Variants in LGSN observed in about 807,000 individuals in gnomAD.
The protein encoded by LGSN is lengsin, lens protein with glutamine synthetase domain, also known as lengsin.
In LGSN, 21 loss-of-function variants were observed where a neutral mutation model predicts 19.5. That is an observed-to-expected ratio of 1.07 (90% CI 0.76 to 1.55). LGSN has a LOEUF of 1.55. Ranked by LOEUF, LGSN falls within the 40% of genes most tolerant of loss-of-function variation. LGSN has a pLI of 0.00. For synonymous variants in LGSN, 257 were observed against 215.6 expected (o/e 1.19, Z -1.68); for missense variants, 673 against 608.5 (o/e 1.11, Z -1.12).
chr6:63,558,430 C>T, the LGSN span, among the ~76,000 whole-genome samples: 4 of 152,098 alleles, frequency 2.6e-5, no homozygotes, highest in African/African-American at 9.7e-5. Flanking sequence ...GCCAGTCAGA[C>T]AGAAAAGAAG....
chr6:63,420,175 C>T, the LGSN span, among the ~76,000 whole-genome samples: 1 of 149,096 alleles, frequency 6.7e-6, no homozygotes, highest in African/African-American at 2.5e-5. Context: ...TGCACTCCAG[C>T]GGAGGCGACA....
the LGSN span, among the ~76,000 whole-genome samples, chr6:63,357,895 G>A: frequency 1.3e-5 from 2 of 152,066 alleles, no homozygotes; most frequent in Non-Finnish European, 2.9e-5. Context: ...TTTTAGACAT[G>A]AAGTCCTTGC....
the LGSN span, among the ~76,000 whole-genome samples, chr6:63,563,829 A>C: frequency 6.6e-6 from 1 of 152,206 alleles, no homozygotes; most frequent in Non-Finnish European, 1.5e-5. Flanking sequence ...CGGGATTGAG[A>C]GACTAAGAAC....
In LGSN at chr6:63,280,591, A is replaced by G. The variant is rs560951461; in HGVS notation, c.960T>C (p.Asp320=). The change falls in exon 4 of 4, where the codon GAT becomes GAC. Residue 320 remains aspartate, a synonymous_variant. Transcript: ENST00000370657. ...AGAACATGTTTTTCTTCCTATCGAC[A>G]TCCCAGAGACTATGAGACAAAATCC... The part of the protein sequence containing the change: ...DSGILSHSLW[D]VDRKKNMFCS... The G allele has an allele frequency of 1.9e-6, 3 of 1,614,082 alleles. No homozygotes were observed. Among genetic ancestry groups the G allele is most frequent in the African/African-American group, 2.7e-5 (2 of 75,046 alleles).
the LGSN span, among the ~76,000 whole-genome samples, chr6:63,410,731 C>T: frequency 6.6e-6 from 1 of 152,170 alleles, no homozygotes. Flanking sequence ...GGACAAGAAC[C>T]TATGACATGT....
At chr6:63,357,245 G>A in the LGSN span, among the ~76,000 whole-genome samples, 4 of 152,096 alleles carry the variant, frequency 2.6e-5, no homozygotes, top group Middle Eastern at 0.01. Flanking sequence ...TTGGACATTT[G>A]GGCTGGTTCC....
At chr6:63,560,448 C>A in the LGSN span, among the ~76,000 whole-genome samples, 1 of 146,972 alleles carries the variant, frequency 6.8e-6, no homozygotes, top group Non-Finnish European at 1.5e-5. Context: ...GTTGGGCGGG[C>A]TGGAAGGCAG....
At chr6:63,442,278 G>T in the LGSN span, among the ~76,000 whole-genome samples, 2 of 152,232 alleles carry the variant, frequency 1.3e-5, no homozygotes, top group Non-Finnish European at 2.9e-5. Context: ...AGAGTGAGCA[G>T]CAGTAAGATT....
chr6:63,353,614 A>AAAAAAGATTT, the LGSN span, among the ~76,000 whole-genome samples: 1 of 151,578 alleles, frequency 6.6e-6, no homozygotes. Context: ...AAAAGAAAAA[A>AAAAAAGATTT]TAATGTTTTT....
chr6:63,518,661 G>A, the LGSN span, among the ~76,000 whole-genome samples: 1 of 152,210 alleles, frequency 6.6e-6, no homozygotes, highest in South Asian at 2.1e-4. Context: ...TCTCTTTACA[G>A]CTAAGGTTCT....
the LGSN span, among the ~76,000 whole-genome samples, chr6:63,539,307 A>T: frequency 6.6e-6 from 1 of 152,234 alleles, no homozygotes; most frequent in Non-Finnish European, 1.5e-5. Context: ...AGTATACTTG[A>T]TCTACCACCT....
the LGSN span, among the ~76,000 whole-genome samples, chr6:63,365,492 G>T: frequency 6.6e-6 from 1 of 152,216 alleles, no homozygotes; most frequent in East Asian, 1.9e-4. Context: ...ATTCACAGAC[G>T]AATTCTACCA....
chr6:63,364,076 C>A, the LGSN span, among the ~76,000 whole-genome samples: 1 of 152,058 alleles, frequency 6.6e-6, no homozygotes, highest in South Asian at 2.1e-4. Context: ...TCACACATAA[C>A]AATATTAACC....
At chr6:63,434,192 AT>A in the LGSN span, among the ~76,000 whole-genome samples, 1 of 152,254 alleles carries the variant, frequency 6.6e-6, no homozygotes, top group Admixed American at 6.5e-5. Context: ...TAATCCCAGC[AT>A]TTTGGGAGGC....
At chr6:63,344,349 C>T in the LGSN span, among the ~76,000 whole-genome samples, 10 of 152,162 alleles carry the variant, frequency 6.6e-5, no homozygotes, top group East Asian at 1.9e-3. Context: ...CCAAAACTAT[C>T]TATCCAGTCA....
chr6:63,281,505 G>A (rs956986981), intron 3 of LGSN, among the ~76,000 whole-genome samples: 14 of 151,148 alleles, frequency 9.3e-5, no homozygotes, highest in African/African-American at 3.4e-4. Context: ...ATAAATGAAA[G>A]GTATAATGAT....
chr6:63,405,632 C>T, the LGSN span, among the ~76,000 whole-genome samples: 29 of 152,094 alleles, frequency 1.9e-4, no homozygotes, highest in South Asian at 1.7e-3. Context: ...TCATGTCCTT[C>T]GCCAGCTAAC....
the LGSN span, among the ~76,000 whole-genome samples, chr6:63,359,572 G>A: frequency 3.9e-5 from 6 of 152,314 alleles, no homozygotes; most frequent in Admixed American, 1.3e-4. Context: ...GAGAGTGTAT[G>A]TGTTGAGGAA....
In LGSN at chr6:63,306,743, G is replaced by A. The variant is rs374278780; in HGVS notation, c.31-11698C>T. On this transcript the variant is annotated intron_variant, in intron 1 of 3. Transcript: ENST00000370657. ...AAACACAATGGGCTGGAGGGCGAAC[G>A]CAGTAGTTGATAGCCCTTCCCAGGA... Among the ~76,000 whole-genome samples, 78 of 152,282 alleles carry A rather than the reference G, an allele frequency of 5.1e-4. 1 individual carries two copies. The highest frequency in any genetic ancestry group is 1.8e-3 in the African/African-American group (76 of 41,554).
Sources: gnomAD v4.1 joint callset for allele counts (sites outside exome capture counted in the v4.1 genomes callset) on GRCh38, gnomAD v4.1.1 for gene constraint, MANE v1.5 for transcripts, NCBI Gene and HGNC (gene_info 2026-07-23, HGNC 2026-07-21) for gene names.